Variants in ANKRD30BL observed in about 807,000 individuals in gnomAD.
ANKRD30BL encodes the protein ankyrin repeat domain 30B like, also known as putative ankyrin repeat domain-containing protein 30B-like.
Under a neutral mutation model 18.4 loss-of-function variants are expected in ANKRD30BL, and 20 were observed. The ratio of observed to expected loss-of-function variants is 1.09; its 90% confidence interval spans 0.77 to 1.58. The LOEUF (loss-of-function observed/expected upper bound fraction) is 1.58. Ranked by LOEUF, ANKRD30BL falls within the 40% of genes most tolerant of loss-of-function variation. The pLI, the probability that ANKRD30BL is intolerant of heterozygous loss-of-function variation, is 0.00. For synonymous variants in ANKRD30BL, 72 were observed against 100.9 expected (o/e 0.71, Z 1.72); for missense variants, 224 against 268.6 (o/e 0.83, Z 1.16).
chr2:132,204,382 G>A (rs929541645), intron 1 of ANKRD30BL, among the ~76,000 whole-genome samples: 1 of 151,926 alleles, frequency 6.6e-6, no homozygotes, highest in Non-Finnish European at 1.5e-5. Context: ...TAGTGGGTGT[G>A]TGTGTATATA....
intron 1 of ANKRD30BL, among the ~76,000 whole-genome samples, chr2:132,205,110 T>C (rs1233412068): frequency 3.3e-5 from 5 of 152,200 alleles, no homozygotes; most frequent in Admixed American, 6.6e-5. Flanking sequence ...CTGGATCATT[T>C]ACTGGAGTCT....
chr2:132,198,308 C>T (rs866418181), intron 1 of ANKRD30BL, among the ~76,000 whole-genome samples: 50 of 12,562 alleles, frequency 4.0e-3, no homozygotes, highest in African/African-American at 8.0e-3. Flanking sequence ...TTCTTTCTTT[C>T]TTTCTTTCTT....
intron 1 of ANKRD30BL, among the ~76,000 whole-genome samples, 160 bp downstream of exon 1, chr2:132,161,328 A>G (rs992564956): frequency 3.9e-5 from 6 of 152,186 alleles, no homozygotes; most frequent in African/African-American, 9.6e-5. Flanking sequence ...CTGCCCGGGA[A>G]GAAGGCCAAG....
intron 1 of ANKRD30BL, among the ~76,000 whole-genome samples, chr2:132,255,441 C>T (rs1043902313): frequency 6.6e-6 from 1 of 152,058 alleles, no homozygotes; most frequent in Non-Finnish European, 1.5e-5. Context: ...CAGCTAAGAG[C>T]ATCCAGGGGG....
At chr2:132,168,760 C>T (rs1298879881) in intron 1 of ANKRD30BL, among the ~76,000 whole-genome samples, 2 of 151,914 alleles carry the variant, frequency 1.3e-5, no homozygotes, top group African/African-American at 2.4e-5. Context: ...GAAAGTGTAA[C>T]TTTGTAAGTT....
At chr2:132,247,134 G>GA (rs1451168153) in intron 1 of ANKRD30BL, among the ~76,000 whole-genome samples, 1 of 150,784 alleles carries the variant, frequency 6.6e-6, no homozygotes, top group Non-Finnish European at 1.5e-5. Flanking sequence ...GGCCTATGGT[G>GA]AAAAAGGAAA....
intron 1 of ANKRD30BL, among the ~76,000 whole-genome samples, chr2:132,217,426 G>A (rs1351366525): frequency 6.6e-6 from 1 of 151,768 alleles, no homozygotes; most frequent in African/African-American, 2.4e-5. Context: ...GGTTGAAAAG[G>A]AAATGTCCTC....
At chr2:132,173,953 G>A (rs1246143804) in intron 1 of ANKRD30BL, among the ~76,000 whole-genome samples, 2 of 152,200 alleles carry the variant, frequency 1.3e-5, no homozygotes, top group Non-Finnish European at 2.9e-5. Flanking sequence ...GAGTTGGTGG[G>A]TCAGAACTGT....
At chr2:132,175,886 CAAAGAGGTTGG>C in intron 1 of ANKRD30BL, among the ~76,000 whole-genome samples, 1 of 36,226 alleles carries the variant, frequency 2.8e-5, no homozygotes, top group East Asian at 8.8e-4. Context: ...AAGGTGGGGG[CAAAGAGGTTGG>C]GGCAAAGTGA....
chr2:132,223,797 C>T (rs1287392436), intron 1 of ANKRD30BL, among the ~76,000 whole-genome samples: 1 of 151,792 alleles, frequency 6.6e-6, no homozygotes, highest in East Asian at 1.9e-4. Flanking sequence ...AATATCTTCC[C>T]ATAAAAACTA....
intron 1 of ANKRD30BL, among the ~76,000 whole-genome samples, chr2:132,232,453 C>A (rs1027283936): frequency 1.3e-5 from 2 of 151,954 alleles, no homozygotes; most frequent in Admixed American, 1.3e-4. Context: ...TTTAGAAGCA[C>A]GTATAACTAG....
chr2:132,201,994 G>T (rs1679108211), intron 1 of ANKRD30BL, among the ~76,000 whole-genome samples: 1 of 152,170 alleles, frequency 6.6e-6, no homozygotes. Context: ...CCTTTGTAGG[G>T]ACATGGATGA....
chr2:132,235,632 G>A (rs532328719), intron 1 of ANKRD30BL, among the ~76,000 whole-genome samples: 84 of 152,144 alleles, frequency 5.5e-4, no homozygotes, highest in African/African-American at 2.0e-3. Flanking sequence ...AACTTACAAG[G>A]GATGTGAAGG....
intron 1 of ANKRD30BL, among the ~76,000 whole-genome samples, chr2:132,248,272 A>G (rs539195689): frequency 6.6e-6 from 1 of 152,248 alleles, no homozygotes; most frequent in East Asian, 1.9e-4. Flanking sequence ...ATGTGAAGAT[A>G]TTTCCTTTTT....
intron 1 of ANKRD30BL, among the ~76,000 whole-genome samples, chr2:132,213,946 A>T (rs1679423094): frequency 6.6e-6 from 1 of 151,938 alleles, no homozygotes; most frequent in African/African-American, 2.4e-5. Context: ...GTAAATGGAC[A>T]TTTGGAGTAC....
intron 1 of ANKRD30BL, among the ~76,000 whole-genome samples, chr2:132,199,495 CTTTT>C (rs1387331566): frequency 2.6e-5 from 4 of 151,824 alleles, no homozygotes; most frequent in African/African-American, 9.7e-5. Context: ...TTCTTTCTTT[CTTTT>C]CTTTTCTTTT....
intron 1 of ANKRD30BL, among the ~76,000 whole-genome samples, chr2:132,238,932 A>G (rs1680236773): frequency 6.6e-6 from 1 of 151,906 alleles, no homozygotes; most frequent in Admixed American, 6.6e-5. Context: ...GAGTGCCTTG[A>G]GGCCTAAGGT....
intron 1 of ANKRD30BL, among the ~76,000 whole-genome samples, chr2:132,187,819 C>T (rs1457348658): frequency 6.6e-6 from 1 of 150,592 alleles, no homozygotes; most frequent in Non-Finnish European, 1.5e-5. Context: ...AGTGCAATGG[C>T]ACAATTTCAG....
upstream of ANKRD30BL, among the ~76,000 whole-genome samples, chr2:132,165,611 T>G (rs560952110): frequency 6.6e-6 from 1 of 151,566 alleles, no homozygotes; most frequent in East Asian, 2.0e-4. Flanking sequence ...TAGTCCCAGC[T>G]ACTCTGGAGG....
Sources: allele counts gnomAD v4.1 joint callset (sites outside exome capture counted in the v4.1 genomes callset), GRCh38; gene constraint gnomAD v4.1.1; transcripts MANE v1.5; gene names NCBI Gene and HGNC (gene_info 2026-07-23, HGNC 2026-07-21).